The following BBX variants were observed in gnomAD, a reference collection of about 807,000 sequenced individuals.
BBX encodes HMG box transcription factor BBX.
Under a neutral mutation model 100.2 loss-of-function variants are expected in BBX, and 30 were observed. That is an observed-to-expected ratio of 0.30 (90% CI 0.22 to 0.41). The LOEUF (loss-of-function observed/expected upper bound fraction) is 0.41, where lower values mean the gene tolerates loss of function less well. BBX is among the 10% of genes least tolerant of loss of function. BBX has a pLI of 1.00. For synonymous variants in BBX, 376 were observed against 388.1 expected (o/e 0.97, Z 0.37); for missense variants, 1,023 against 1,129.8 (o/e 0.91, Z 1.35).
intron 3 of BBX, among the ~76,000 whole-genome samples, chr3:107,692,764 A>G (rs1461187545): frequency 9.3e-5 from 14 of 150,014 alleles, no homozygotes; most frequent in South Asian, 8.8e-4. Flanking sequence ...ATCCCTGAGG[A>G]ATCGCCACGC....
intron 2 of BBX, among the ~76,000 whole-genome samples, chr3:107,642,890 T>C (rs2057302969): frequency 6.6e-6 from 1 of 152,114 alleles, no homozygotes; most frequent in East Asian, 1.9e-4. Flanking sequence ...TAGGGGTATG[T>C]ATGAAAATGA....
chr3:107,718,663 T>G (rs1251669086), intron 5 of BBX, among the ~76,000 whole-genome samples: 6 of 152,088 alleles, frequency 3.9e-5, no homozygotes, highest in Non-Finnish European at 8.8e-5. Flanking sequence ...AAACTCCTAA[T>G]TTACAAACCC....
intron 4 of BBX, among the ~76,000 whole-genome samples, chr3:107,712,924 C>T (rs376309430): frequency 2.0e-5 from 3 of 152,178 alleles, no homozygotes; most frequent in East Asian, 1.9e-4. Flanking sequence ...TTCACTCACA[C>T]TCAGTGGTCT....
intron 3 of BBX, among the ~76,000 whole-genome samples, chr3:107,647,606 A>G (rs947374178): frequency 3.9e-5 from 6 of 152,234 alleles, no homozygotes; most frequent in East Asian, 1.9e-4. Flanking sequence ...AAAAGATGCC[A>G]TACAAAAACC....
chr3:107,611,497 C>A (rs2107655421), intron 2 of BBX, among the ~76,000 whole-genome samples: 1 of 152,202 alleles, frequency 6.6e-6, no homozygotes, highest in Admixed American at 6.5e-5. Flanking sequence ...TTATTTTCAC[C>A]AGATATACTA....
chr3:107,618,812 A>T (rs1378556176), intron 2 of BBX, among the ~76,000 whole-genome samples: 2 of 152,218 alleles, frequency 1.3e-5, no homozygotes, highest in Middle Eastern at 3.4e-3. Context: ...GTTTTATAGC[A>T]TAACATGTAG....
intron 3 of BBX, among the ~76,000 whole-genome samples, chr3:107,660,565 C>T (rs1171417073): frequency 1.4e-5 from 2 of 142,680 alleles, no homozygotes; most frequent in Non-Finnish European, 3.0e-5. Flanking sequence ...CACTAGAGGG[C>T]AGAGCAGTAC....
chr3:107,743,685 A>G (rs1191554483), intron 7 of BBX, among the ~76,000 whole-genome samples: 4 of 152,228 alleles, frequency 2.6e-5, no homozygotes, highest in African/African-American at 9.6e-5. Flanking sequence ...CTCTTTCCAT[A>G]GGATTTATCC....
At chr3:107,756,952 G>T (rs1472943227) in intron 10 of BBX, among the ~76,000 whole-genome samples, 1 of 152,168 alleles carries the variant, frequency 6.6e-6, no homozygotes, top group Non-Finnish European at 1.5e-5. Flanking sequence ...CAGACAGACT[G>T]TGAGGTCATG....
At position 107,716,740 on chromosome 3, in the gene BBX, G is replaced by C. The variant is rs151079480; in HGVS notation, c.296G>C (p.Arg99Pro). 3 of 1,613,808 alleles carry C rather than the reference G, an allele frequency of 1.9e-6. No homozygotes were observed. Among genetic ancestry groups the C allele is most frequent in the Non-Finnish European group, 2.5e-6 (3 of 1,179,788 alleles). The change falls in exon 5 of 18, where the codon CGT becomes CCT. Residue 99 changes from arginine (R) to proline (P), a missense_variant. Physicochemically the swap from Arg to Pro is moderately radical, Grantham distance 103 (BLOSUM62 -2). Around this residue, in one of 9 missense-constraint regions of BBX, gnomAD observed 229 missense variants for 226.3 expected, o/e 1.01. Transcript: ENST00000325805. Reference sequence around the variant, plus strand: ...TGCAAACGCCATCGCTCTCTTGTACGTCAGGAACACCCCAGGCTTGATAAC... The same window carrying C: ...TGCAAACGCCATCGCTCTCTTGTACCTCAGGAACACCCCAGGCTTGATAAC... The part of the protein sequence containing the change: ...LFCKRHRSLV[R>P]QEHPRLDNRG...
intron 3 of BBX, among the ~76,000 whole-genome samples, chr3:107,664,439 C>T (rs2058636114): frequency 1.3e-5 from 2 of 152,186 alleles, no homozygotes; most frequent in Non-Finnish European, 2.9e-5. Context: ...ATGAATGTGA[C>T]TATATCCGAG....
intron 13 of BBX, among the ~76,000 whole-genome samples, chr3:107,782,407 A>G (rs1232522282): frequency 1.3e-5 from 2 of 152,204 alleles, no homozygotes; most frequent in Admixed American, 1.3e-4. Flanking sequence ...ATATATATAC[A>G]CATATATATA....
chr3:107,621,599 C>G (rs1442909178), intron 2 of BBX, among the ~76,000 whole-genome samples: 1 of 152,290 alleles, frequency 6.6e-6, no homozygotes, highest in East Asian at 1.9e-4. Context: ...AGTTTGTCAT[C>G]TCAGGTAATT....
intron 15 of BBX, among the ~76,000 whole-genome samples, chr3:107,797,364 A>ATATATATATATATATATATAG (rs71113691): frequency 9.1e-6 from 1 of 109,838 alleles, no homozygotes; most frequent in Non-Finnish European, 1.9e-5. Context: ...ATATATATAT[A>ATATATATATATATATATATAG]GCTTTATTGC....
intron 3 of BBX, among the ~76,000 whole-genome samples, chr3:107,698,634 A>T (rs1038418909): frequency 3.4e-5 from 5 of 147,362 alleles, no homozygotes; most frequent in African/African-American, 1.3e-4. Context: ...CCTGGGTGAC[A>T]GAGCGAGACT....
intron 13 of BBX, among the ~76,000 whole-genome samples, chr3:107,779,459 G>T (rs1234845412): frequency 1.3e-5 from 2 of 151,994 alleles, no homozygotes; most frequent in East Asian, 3.9e-4. Context: ...CTCCTATAAG[G>T]ACATGGAATA....
At chr3:107,742,002 A>G (rs754343938) in intron 7 of BBX, among the ~76,000 whole-genome samples, 6 of 152,154 alleles carry the variant, frequency 3.9e-5, no homozygotes, top group Non-Finnish European at 8.8e-5. Flanking sequence ...AACCATTTTT[A>G]TATTTTGAGA....
intron 12 of BBX, among the ~76,000 whole-genome samples, chr3:107,775,939 A>C (rs998385734): frequency 6.8e-6 from 1 of 147,852 alleles, no homozygotes; most frequent in Non-Finnish European, 1.5e-5. Flanking sequence ...TTTGCTTATA[A>C]TTTTATGTAT....
chr3:107,639,145 C>T (rs184887176), intron 2 of BBX, among the ~76,000 whole-genome samples: 125 of 152,206 alleles, frequency 8.2e-4, no homozygotes, highest in Non-Finnish European at 1.5e-3. Flanking sequence ...TAATGACTTC[C>T]CTTTTTATCA....
Sources: allele counts gnomAD v4.1 joint callset (sites outside exome capture counted in the v4.1 genomes callset), GRCh38; gene constraint gnomAD v4.1.1; regional missense constraint gnomAD v4.1.1; transcripts MANE v1.5; gene names NCBI Gene and HGNC (gene_info 2026-07-23, HGNC 2026-07-21).